PHACTR3: variants seen among roughly 807,000 people sequenced by gnomAD.
The protein encoded by PHACTR3 is phosphatase and actin regulator 3.
Under a neutral mutation model 66.8 loss-of-function variants are expected in PHACTR3, and 16 were observed. That is an observed-to-expected ratio of 0.24 (90% CI 0.16 to 0.36). PHACTR3 has a LOEUF of 0.36. Among genes scored for constraint, PHACTR3 ranks in the 10% least tolerant of loss-of-function variants. PHACTR3 has a pLI of 1.00. For synonymous variants in PHACTR3, 323 were observed against 292.1 expected (o/e 1.11, Z -1.08); for missense variants, 647 against 719.9 (o/e 0.90, Z 1.16).
intron 8 of PHACTR3, chr20:59,835,766 A>T (rs1156572483): frequency 1.3e-5 from 2 of 152,062 alleles, no homozygotes; most frequent in Non-Finnish European, 2.9e-5. Context: ...AAGAAATAAT[A>T]ATTTGTCTTC....
intron 1 of PHACTR3, among the ~76,000 whole-genome samples, chr20:59,621,746 C>T (rs1049249026): frequency 7.9e-5 from 12 of 152,136 alleles, no homozygotes; most frequent in Admixed American, 5.9e-4. Context: ...GCATGGTGAG[C>T]CACGTCCACC....
chr20:59,764,863 G>C (rs1248990233), intron 4 of PHACTR3, among the ~76,000 whole-genome samples: 1 of 152,210 alleles, frequency 6.6e-6, no homozygotes, highest in Non-Finnish European at 1.5e-5. Context: ...CCCCCAGGAA[G>C]AAACTTCCTA....
intron 1 of PHACTR3, among the ~76,000 whole-genome samples, chr20:59,622,981 C>CAAAACAAAAAAAAAAAAAAAAAAAAAAA (rs2034300362): frequency 3.1e-5 from 1 of 32,216 alleles, no homozygotes; most frequent in Non-Finnish European, 5.5e-5. Flanking sequence ...CAGCTTTAAC[C>CAAAACAAAAAAAAAAAAAAAAAAAAAAA]AAAAAAAAAA....
intron 1 of PHACTR3, among the ~76,000 whole-genome samples, chr20:59,716,335 C>T (rs1004136538): frequency 8.6e-5 from 13 of 152,022 alleles, no homozygotes; most frequent in African/African-American, 3.1e-4. Context: ...TCACTGCAAC[C>T]TCTGCCTCCC....
intron 1 of PHACTR3, among the ~76,000 whole-genome samples, chr20:59,612,647 G>A (rs2033890098): frequency 6.6e-6 from 1 of 152,202 alleles, no homozygotes; most frequent in South Asian, 2.1e-4. Flanking sequence ...GCCTCCCAAA[G>A]TGCTGGGATT....
In PHACTR3 at chr20:59,818,181, G is replaced by A. The variant is rs187593810; in HGVS notation, c.1328+11987G>A. Among the ~76,000 whole-genome samples the A allele has an allele frequency of 2.0e-5, 3 of 152,284 alleles. No individual in the cohort carries two copies. The East Asian group carries it at 5.8e-4, about 29-fold the overall frequency. Reference sequence around the variant, plus strand: ...GAAGTCAGGATGGACAGAATGCCTCGGTTCCCAGCCAGCTCTGCAGTTTTC... The same window carrying A: ...GAAGTCAGGATGGACAGAATGCCTCAGTTCCCAGCCAGCTCTGCAGTTTTC... On this transcript the variant is annotated intron_variant, in intron 8 of 12. Transcript: ENST00000371015.
At chr20:59,647,300 A>G (rs145624157) in intron 1 of PHACTR3, among the ~76,000 whole-genome samples, 6 of 152,270 alleles carry the variant, frequency 3.9e-5, no homozygotes, top group African/African-American at 1.4e-4. Context: ...GTAGGGGGGA[A>G]CCACCCACAT....
chr20:59,774,569 G>A (rs550322365), intron 7 of PHACTR3, 79 bp downstream of exon 7: 5 of 1,530,530 alleles, frequency 3.3e-6, no homozygotes, highest in Non-Finnish European at 4.4e-6. Context: ...GACAGAGCTC[G>A]TGCCTGGGGG....
At chr20:59,745,583 A>G (rs573268811) in intron 2 of PHACTR3, among the ~76,000 whole-genome samples, 98 of 152,384 alleles carry the variant, frequency 6.4e-4, no homozygotes, top group African/African-American at 2.2e-3. Flanking sequence ...TTGTTTCAGC[A>G]TATCAAATTC....
intron 1 of PHACTR3, among the ~76,000 whole-genome samples, chr20:59,741,186 T>A (rs2039147861): frequency 6.6e-6 from 1 of 152,216 alleles, no homozygotes; most frequent in African/African-American, 2.4e-5. Flanking sequence ...GGCTCTGAGG[T>A]CTGCATCAGC....
chr20:59,686,806 GTGA>G (rs1308335176), intron 1 of PHACTR3, among the ~76,000 whole-genome samples: 3 of 141,596 alleles, frequency 2.1e-5, no homozygotes, highest in African/African-American at 7.9e-5. Context: ...GGTGATGATT[GTGA>G]TGATGATGGT....
intron 9 of PHACTR3, among the ~76,000 whole-genome samples, chr20:59,837,528 C>T (rs1396196811): frequency 1.3e-5 from 2 of 152,126 alleles, no homozygotes; most frequent in Admixed American, 6.5e-5. Flanking sequence ...GAAAATAACC[C>T]TCAGATAAAG....
chr20:59,600,203 C>T (rs555317730), upstream of PHACTR3, among the ~76,000 whole-genome samples: 1 of 152,196 alleles, frequency 6.6e-6, no homozygotes, highest in Non-Finnish European at 1.5e-5. Flanking sequence ...CTTGCACTTC[C>T]AGAGCATCAC....
intron 5 of PHACTR3, among the ~76,000 whole-genome samples, chr20:59,772,468 C>T (rs2040392011): frequency 6.6e-6 from 1 of 152,132 alleles, no homozygotes; most frequent in Admixed American, 6.5e-5. Context: ...AGGCTCAGGT[C>T]CCAGGGGACA....
chr20:59,822,565 C>T (rs888005896), intron 8 of PHACTR3, among the ~76,000 whole-genome samples: 2 of 151,840 alleles, frequency 1.3e-5, no homozygotes, highest in Non-Finnish European at 2.9e-5. Context: ...GGCTGGTGGG[C>T]GCTGGTGCAC....
intron 8 of PHACTR3, among the ~76,000 whole-genome samples, chr20:59,814,856 GT>G (rs983302149): frequency 6.6e-6 from 1 of 152,150 alleles, no homozygotes; most frequent in Non-Finnish European, 1.5e-5. Context: ...TCTGAAGCCT[GT>G]GGGGCCTCCG....
chr20:59,841,540 C>G lies in PHACTR3; in HGVS notation c.1587+5C>G, dbSNP rs199746389. The G allele has an allele frequency of 8.8e-5, 142 of 1,610,608 alleles. No individual in the cohort carries two copies. In the African/African-American group the frequency reaches 1.7e-3, roughly 20 times the overall value. ...AGACTGTCAGCAGCAGATAAGGTACCTAACTGCCTGTGCTGGTGGGGGGTG... is the reference window on the plus strand; with the variant it reads ...AGACTGTCAGCAGCAGATAAGGTACGTAACTGCCTGTGCTGGTGGGGGGTG... On this transcript the variant is annotated splice_donor_5th_base_variant and intron_variant, in intron 11 of 12. Transcript: ENST00000371015.
At chr20:59,584,547 G>A (rs1201628929) in intron 1 of PHACTR3, among the ~76,000 whole-genome samples, 2 of 152,126 alleles carry the variant, frequency 1.3e-5, no homozygotes, top group Non-Finnish European at 2.9e-5. Flanking sequence ...GTGTGCATGA[G>A]TGTGTACGTG....
chr20:59,799,631 T>A (rs956870237), intron 7 of PHACTR3, among the ~76,000 whole-genome samples: 1 of 152,258 alleles, frequency 6.6e-6, no homozygotes, highest in Admixed American at 6.5e-5. Flanking sequence ...ATGGTACATC[T>A]TTTTTAAGAT....
Sources: allele counts gnomAD v4.1 joint callset (sites outside exome capture counted in the v4.1 genomes callset), GRCh38; gene constraint gnomAD v4.1.1; transcripts MANE v1.5; gene names NCBI Gene and HGNC (gene_info 2026-07-23, HGNC 2026-07-21).